The following EYS variants were observed in gnomAD, a reference collection of about 807,000 sequenced individuals.
The protein encoded by EYS is protein eyes shut homolog.
Under a neutral mutation model 282.1 loss-of-function variants are expected in EYS, and 250 were observed. That is an observed-to-expected ratio of 0.89 (90% CI 0.80 to 0.98). The LOEUF (loss-of-function observed/expected upper bound fraction) is 0.98. Ranked by LOEUF, EYS falls within the 50% of genes least tolerant of loss-of-function variation. The probability of loss-of-function intolerance (pLI) is 0.00; values close to 1 mark genes in which losing one functional copy is unlikely to be tolerated. For missense variants in EYS, 4,016 were observed against 3,709.0 expected, an observed-to-expected ratio of 1.08 and a Z score of -2.15; for synonymous variants, 1,355 against 1,282.9, an observed-to-expected ratio of 1.06 and a Z score of -1.20.
chr6:65,550,132 C>T (rs1304965633), intron 2 of EYS, among the ~76,000 whole-genome samples: 1 of 129,618 alleles, frequency 7.7e-6, no homozygotes, highest in Non-Finnish European at 1.8e-5. Context: ...TAGTATCTGA[C>T]TCTACTATAT....
chr6:64,780,464 T>C (rs898965864), intron 22 of EYS, among the ~76,000 whole-genome samples: 1 of 152,014 alleles, frequency 6.6e-6, no homozygotes, highest in Non-Finnish European at 1.5e-5. Flanking sequence ...AGCTAACCAA[T>C]GGGCACACAT....
chr6:63,779,797 T>A (rs1770165689), intron 39 of EYS, among the ~76,000 whole-genome samples: 2 of 151,910 alleles, frequency 1.3e-5, no homozygotes, highest in Non-Finnish European at 2.9e-5. Flanking sequence ...TGTGCATACC[T>A]TGCAGGTTTG....
chr6:64,131,663 T>C (rs1773984600), intron 31 of EYS, among the ~76,000 whole-genome samples: 1 of 152,268 alleles, frequency 6.6e-6, no homozygotes, highest in East Asian at 1.9e-4. Context: ...AGACTGAATA[T>C]GCAGATGAAA....
intron 12 of EYS, among the ~76,000 whole-genome samples, chr6:65,256,262 CTTTTT>C (rs561232052): frequency 7.3e-6 from 1 of 137,236 alleles, no homozygotes; most frequent in African/African-American, 2.7e-5. Flanking sequence ...AGACAAACTT[CTTTTT>C]TTTTTTCTTT....
intron 22 of EYS, among the ~76,000 whole-genome samples, chr6:64,669,278 G>T (rs1236185067): frequency 2.0e-5 from 3 of 152,150 alleles, no homozygotes; most frequent in Non-Finnish European, 4.4e-5. Flanking sequence ...GAGTTGCAAA[G>T]AGACTTAACA....
At chr6:64,091,201 C>T (rs1445565584) in intron 31 of EYS, among the ~76,000 whole-genome samples, 1 of 152,138 alleles carries the variant, frequency 6.6e-6, no homozygotes, top group Non-Finnish European at 1.5e-5. Context: ...GTCTTTACCT[C>T]GTCTTAAATC....
chr6:65,290,641 C>A (rs1768498662), intron 12 of EYS, among the ~76,000 whole-genome samples: 1 of 151,230 alleles, frequency 6.6e-6, no homozygotes, highest in Non-Finnish European at 1.5e-5. Context: ...CTTTCCATAT[C>A]TTTGTATAAA....
chr6:64,699,075 T>C (rs1396544577), intron 22 of EYS, among the ~76,000 whole-genome samples: 1 of 152,110 alleles, frequency 6.6e-6, no homozygotes, highest in Admixed American at 6.6e-5. Context: ...TCAACTTAAA[T>C]GCCCATCAAT....
rs146293226 is a variant in EYS, at chr6:65,176,741, A to T, written c.2024-119014T>A. On this transcript the variant is annotated intron_variant, in intron 12 of 42. Coordinates refer to ENST00000503581, the MANE Select transcript of EYS (RefSeq NM_001142800.2). ...TAATGTCTATGCAAAGATTTTAAGA[A>T]TTAAATGATTATATAATTTTGCAAT... 2.6e-3 allele frequency among the ~76,000 whole-genome samples: 391 copies of T among 151,806 alleles called. 1 individual carries two copies. The highest frequency in any genetic ancestry group is 8.7e-3 in the African/African-American group (360 of 41,540).
chr6:63,916,155 C>T (rs1764417183), intron 35 of EYS, among the ~76,000 whole-genome samples: 1 of 152,208 alleles, frequency 6.6e-6, no homozygotes, highest in African/African-American at 2.4e-5. Flanking sequence ...GCCATCTCAA[C>T]ATTCAGCAAC....
At chr6:64,234,880 C>CTTTT (rs11309411) in intron 30 of EYS, among the ~76,000 whole-genome samples, 1 of 146,408 alleles carries the variant, frequency 6.8e-6, no homozygotes, top group African/African-American at 2.5e-5. Context: ...GAACTTTATT[C>CTTTT]TTTTTTTTTT....
chr6:64,132,818 T>C (rs988084376), intron 31 of EYS, among the ~76,000 whole-genome samples: 2 of 152,090 alleles, frequency 1.3e-5, no homozygotes, highest in East Asian at 3.9e-4. Flanking sequence ...TTCATATATT[T>C]AATACTTGAA....
Position 65,335,094 on chromosome 6 carries a change from C to G in EYS, c.1652G>C (p.Arg551Pro), listed in dbSNP as rs773906269. The stretch of plus-strand genomic sequence containing the variant: ...AGCCCATCTGAGAAAACATAGATAC[C>G]GATATTCCTGACTGTCTTCTTCACT... ...CLSEEDSQEYRYLCFLRWAGN... is the reference protein window; with the variant it reads ...CLSEEDSQEYPYLCFLRWAGN... Residue 551 changes from arginine to proline, a missense_variant, in exon 11 of 43, where the codon CGG becomes CCG. By Grantham distance (103) the Arg-to-Pro change is moderately radical (BLOSUM62 -2). Coordinates refer to ENST00000503581, the MANE Select transcript of EYS (RefSeq NM_001142800.2). 1.2e-6 allele frequency: 2 copies of G among 1,611,924 alleles called. No homozygotes were observed. The highest frequency in any genetic ancestry group is 1.7e-6 in the Non-Finnish European group (2 of 1,178,858).
intron 35 of EYS, among the ~76,000 whole-genome samples, chr6:63,874,894 A>G (rs527601527): frequency 6.6e-6 from 1 of 152,320 alleles, no homozygotes; most frequent in East Asian, 1.9e-4. Context: ...AGTTTTCTAA[A>G]TATACAATCA....
chr6:65,207,857 T>A (rs971818043), intron 12 of EYS, among the ~76,000 whole-genome samples: 3 of 151,690 alleles, frequency 2.0e-5, no homozygotes, highest in Admixed American at 6.6e-5. Context: ...TCACTAACAG[T>A]ATATACAAAT....
At chr6:65,091,776 C>T (rs1774575742) in intron 12 of EYS, among the ~76,000 whole-genome samples, 1 of 152,068 alleles carries the variant, frequency 6.6e-6, no homozygotes, top group Non-Finnish European at 1.5e-5. Context: ...ACCCCATGCA[C>T]TACATAATTA....
At chr6:64,383,090 C>A (rs975126644) in intron 29 of EYS, among the ~76,000 whole-genome samples, 1 of 152,062 alleles carries the variant, frequency 6.6e-6, no homozygotes, top group Non-Finnish European at 1.5e-5. Flanking sequence ...GAGTTTGAGA[C>A]AAGCCTGGGA....
At chr6:63,759,466 C>A (rs1389822443) in intron 41 of EYS, among the ~76,000 whole-genome samples, 1 of 152,074 alleles carries the variant, frequency 6.6e-6, no homozygotes, top group Non-Finnish European at 1.5e-5. Flanking sequence ...CACTTTCTCT[C>A]CGAGTTTCAC....
At chr6:65,646,746 A>T (rs1721539971) in intron 1 of EYS, among the ~76,000 whole-genome samples, 1 of 152,164 alleles carries the variant, frequency 6.6e-6, no homozygotes, top group Non-Finnish European at 1.5e-5. Context: ...CTGTCTGCTG[A>T]TATGATCGTA....
Sources: allele counts gnomAD v4.1 joint callset (sites outside exome capture counted in the v4.1 genomes callset), GRCh38; gene constraint gnomAD v4.1.1; transcripts MANE v1.5; gene names NCBI Gene and HGNC (gene_info 2026-07-23, HGNC 2026-07-21).